Variants in KCNAB1 observed in about 807,000 individuals in gnomAD.
KCNAB1 encodes voltage-gated potassium channel subunit beta-1.
In KCNAB1, 35 loss-of-function variants were observed where a neutral mutation model predicts 64.6. The observed-to-expected ratio is 0.54, with a 90% confidence interval of 0.41 to 0.72. KCNAB1 has a LOEUF of 0.72. Ranked by LOEUF, KCNAB1 falls within the 30% of genes least tolerant of loss-of-function variation. KCNAB1 has a pLI of 0.00. For missense variants in KCNAB1, 401 were observed against 512.9 expected (o/e 0.78, Z 2.11); for synonymous variants, 177 against 183.8 (o/e 0.96, Z 0.30).
At chr3:156,529,141 A>AT (rs1173669419) in intron 12 of KCNAB1, among the ~76,000 whole-genome samples, 1 of 152,186 alleles carries the variant, frequency 6.6e-6, no homozygotes, top group Non-Finnish European at 1.5e-5. Flanking sequence ...CACACAATGG[A>AT]ATACTCTTTA....
chr3:156,120,788 A>C lies in KCNAB1; in HGVS notation c.177A>C (p.Gln59His), dbSNP rs955149217. The change falls in exon 1 of 14, where the codon CAA becomes CAC. Residue 59 changes from glutamine to histidine, a missense_variant. Coordinates refer to ENST00000490337, the MANE Select transcript of KCNAB1 (RefSeq NM_172160.3). ...PSGESQLRAR[Q>H]LALLREVEMN... ...GGGAAAGCCAGCTCAGGGCGCGTCA[A>C]CTGGCTCTGCTGCGCGAAGTGGAGA... is the stretch of plus-strand genomic sequence containing the variant. 5 of 1,614,144 alleles carry C rather than the reference A, an allele frequency of 3.1e-6. No homozygotes were observed. The African/African-American group carries it at 6.7e-5, about 22-fold the overall frequency.
chr3:156,340,534 G>A (rs887567333), intron 1 of KCNAB1, among the ~76,000 whole-genome samples: 3 of 152,138 alleles, frequency 2.0e-5, no homozygotes, highest in Non-Finnish European at 4.4e-5. Flanking sequence ...TTTGGACTAC[G>A]TGACCAAGTT....
chr3:156,295,021 A>G (rs1349804246), intron 1 of KCNAB1, among the ~76,000 whole-genome samples: 1 of 152,230 alleles, frequency 6.6e-6, no homozygotes, highest in Non-Finnish European at 1.5e-5. Context: ...AGCCAGGTGA[A>G]GTCTGGGGCT....
At chr3:156,344,478 T>A (rs982909859) in intron 1 of KCNAB1, among the ~76,000 whole-genome samples, 3 of 152,220 alleles carry the variant, frequency 2.0e-5, no homozygotes, top group African/African-American at 7.2e-5. Context: ...CACAGGTGAA[T>A]CTACAATCTG....
chr3:156,164,315 A>T (rs542024560), intron 1 of KCNAB1, among the ~76,000 whole-genome samples: 1 of 152,264 alleles, frequency 6.6e-6, no homozygotes, highest in East Asian at 1.9e-4. Context: ...TCCTCACATC[A>T]TTCTGTATAC....
intron 1 of KCNAB1, among the ~76,000 whole-genome samples, chr3:156,235,595 T>C (rs1716798931): frequency 6.6e-6 from 1 of 152,214 alleles, no homozygotes; most frequent in African/African-American, 2.4e-5. Context: ...TCCTGGAGCC[T>C]GTGAAAAGAA....
intron 1 of KCNAB1, among the ~76,000 whole-genome samples, chr3:156,358,875 G>C (rs1036794728): frequency 2.6e-5 from 4 of 152,108 alleles, no homozygotes; most frequent in African/African-American, 9.7e-5. Flanking sequence ...AGAAACAGTA[G>C]AGTTTATTAT....
At chr3:156,535,309 G>A (rs562953827) in intron 13 of KCNAB1, among the ~76,000 whole-genome samples, 7 of 152,308 alleles carry the variant, frequency 4.6e-5, no homozygotes, top group South Asian at 2.1e-4. Flanking sequence ...AGAATTGGTC[G>A]TCAGAATTGT....
chr3:156,154,647 T>A (rs1715611478), intron 1 of KCNAB1, among the ~76,000 whole-genome samples: 1 of 152,230 alleles, frequency 6.6e-6, no homozygotes, highest in Non-Finnish European at 1.5e-5. Flanking sequence ...ACTCTTTCAC[T>A]GGTAATTAAT....
chr3:156,271,164 C>G (rs938323660), intron 1 of KCNAB1, among the ~76,000 whole-genome samples: 1 of 152,018 alleles, frequency 6.6e-6, no homozygotes, highest in Admixed American at 6.6e-5. Flanking sequence ...TTTGAGGTAG[C>G]CTTCTTTGGG....
chr3:156,515,441 T>C (rs979591266), intron 10 of KCNAB1, among the ~76,000 whole-genome samples: 3 of 151,806 alleles, frequency 2.0e-5, no homozygotes, highest in Non-Finnish European at 4.4e-5. Flanking sequence ...AGCAGAGTTG[T>C]AAATTGTGAC....
chr3:156,480,110 C>A (rs947636371), intron 8 of KCNAB1, among the ~76,000 whole-genome samples: 6 of 152,004 alleles, frequency 3.9e-5, no homozygotes, highest in African/African-American at 1.4e-4. Flanking sequence ...GTTTTCAAAA[C>A]CAAAATTAAC....
chr3:156,337,908 C>G (rs1723822688), intron 1 of KCNAB1, among the ~76,000 whole-genome samples: 1 of 152,180 alleles, frequency 6.6e-6, no homozygotes, highest in South Asian at 2.1e-4. Context: ...CAAGTATTAT[C>G]TATTTCTCTG....
At chr3:156,487,310 G>A (rs1196511545) in intron 8 of KCNAB1, among the ~76,000 whole-genome samples, 2 of 151,954 alleles carry the variant, frequency 1.3e-5, no homozygotes, top group African/African-American at 4.8e-5. Flanking sequence ...TACCCTCCTT[G>A]GGAATCTGAA....
rs570970815 is a variant in KCNAB1 at position 156,197,949 on chromosome 3, C to A, written c.275+77063C>A. Among the ~76,000 whole-genome samples the A allele has an allele frequency of 3.3e-4, 50 of 152,314 alleles. No individual in the cohort carries two copies. The South Asian group carries it at 9.7e-3, about 30-fold the overall frequency. On this transcript the variant is annotated intron_variant, in intron 1 of 13. Coordinates refer to ENST00000490337, the MANE Select transcript of KCNAB1 (RefSeq NM_172160.3). ...TTAGTGCTATATATTTCCGTCTTAA[C>A]ACTGCTTAACTGTGTCCCAGAGATT...
chr3:156,533,487 G>C lies in KCNAB1; in HGVS notation c.1170+1990G>C, dbSNP rs1005638592. 9.2e-5 allele frequency among the ~76,000 whole-genome samples: 14 copies of C among 152,192 alleles called. No individual in the cohort carries two copies. The South Asian group carries it at 1.7e-3, about 18-fold the overall frequency. ...GCACAGGGACAGCAGATGCACTGACGTGGAGAGACAGGCAGGGCCAGGTCT... is the reference window on the plus strand; with the variant it reads ...GCACAGGGACAGCAGATGCACTGACCTGGAGAGACAGGCAGGGCCAGGTCT... On this transcript the variant is annotated intron_variant, in intron 13 of 13. Coordinates refer to ENST00000490337, the MANE Select transcript of KCNAB1 (RefSeq NM_172160.3).
In KCNAB1 at chr3:156,421,000, TTATAA is replaced by T. The variant is rs537559726; in HGVS notation, c.276-611_276-607del. Reference sequence around the variant, plus strand: ...GTTAAATATATATCTATGTATTATATTATAATATATTAAATATAGGATATAGTTAA... The same window carrying T: ...GTTAAATATATATCTATGTATTATATTATATTAAATATAGGATATAGTTAA... On this transcript the variant is annotated intron_variant, in intron 1 of 13. Coordinates refer to ENST00000490337, the MANE Select transcript of KCNAB1 (RefSeq NM_172160.3). Among the ~76,000 whole-genome samples the T allele has an allele frequency of 6.0e-3, 900 of 149,084 alleles. 4 individuals are homozygous for T. The highest frequency in any genetic ancestry group is 7.4e-3 in the Non-Finnish European group (499 of 67,412).
intron 1 of KCNAB1, among the ~76,000 whole-genome samples, chr3:156,314,477 C>G (rs1322109621): frequency 6.6e-6 from 1 of 152,182 alleles, no homozygotes; most frequent in African/African-American, 2.4e-5. Context: ...CTGCCTGACT[C>G]CAGGGGCCAG....
chr3:156,255,771 C>T (rs1278273989), intron 1 of KCNAB1, among the ~76,000 whole-genome samples: 1 of 152,194 alleles, frequency 6.6e-6, no homozygotes, highest in Non-Finnish European at 1.5e-5. Flanking sequence ...GGTTTCCTCT[C>T]ACTCAGAATG....
Sources: allele counts gnomAD v4.1 joint callset (sites outside exome capture counted in the v4.1 genomes callset), GRCh38; gene constraint gnomAD v4.1.1; transcripts MANE v1.5; gene names NCBI Gene and HGNC (gene_info 2026-07-23, HGNC 2026-07-21).